The following NID2 variants were observed in gnomAD, a reference collection of about 807,000 sequenced individuals.
The protein encoded by NID2 is nidogen 2.
Under a neutral mutation model 145.4 loss-of-function variants are expected in NID2, and 83 were observed. That is an observed-to-expected ratio of 0.57 (90% CI 0.48 to 0.69). NID2 has a LOEUF of 0.69. NID2 is among the 30% of genes least tolerant of loss of function. NID2 has a pLI of 0.00. For synonymous variants in NID2, 739 were observed against 701.3 expected (o/e 1.05, Z -0.85); for missense variants, 1,807 against 1,765.7 (o/e 1.02, Z -0.42).
chr14:52,025,056 T>A (rs941324633), intron 12 of NID2, among the ~76,000 whole-genome samples: 1 of 152,246 alleles, frequency 6.6e-6, no homozygotes, highest in South Asian at 2.1e-4. Context: ...CCATCTCTGC[T>A]GATCTGAGCA....
chr14:52,037,926 T>C (rs116125963), intron 9 of NID2, among the ~76,000 whole-genome samples: 239 of 152,360 alleles, frequency 1.6e-3, no homozygotes, highest in African/African-American at 5.3e-3. Context: ...ATTGCTACTA[T>C]AGAGAAATAC....
intron 9 of NID2, among the ~76,000 whole-genome samples, chr14:52,035,867 T>TGTATATATATAC (rs561073333): frequency 7.5e-6 from 1 of 132,946 alleles, no homozygotes; most frequent in Non-Finnish European, 1.6e-5. Context: ...TATATATATA[T>TGTATATATATAC]ATATATATAT....
At chr14:52,005,679 T>C in intron 21 of NID2, 58 bp downstream of exon 21, 2 of 1,443,224 alleles carry the variant, frequency 1.4e-6, no homozygotes, top group Non-Finnish European at 2.0e-6. Context: ...TCAAATACCA[T>C]ATATATCCCT....
chr14:52,015,162 G>T lies in NID2; in HGVS notation c.3142C>A (p.His1048Asn). ...CCGTGGCACTGCAGGGGGATGAAGT[G>T]GCCCAGGTCATCGCACTGGGGCACG... ...QYVPQCDDLG[H>N]FIPLQCHGKS... Residue 1048 changes from histidine (H) to asparagine (N), a missense_variant, in exon 15 of 22, where the codon CAC becomes AAC. By Grantham distance (68) the His-to-Asn change is moderately conservative. Coordinates refer to ENST00000216286, the MANE Select transcript of NID2 (RefSeq NM_007361.4). 6.2e-7 allele frequency: 1 copy of T among 1,614,166 alleles called. No homozygotes were observed.
chr14:52,060,496 T>G (rs1892994025), intron 2 of NID2, 140 bp from the exon 3 acceptor site: 1 of 472,016 alleles, frequency 2.1e-6, no homozygotes, highest in Non-Finnish European at 3.6e-6. Context: ...TTCCTCCAAA[T>G]TGTTTTTAAA....
chr14:52,039,970 T>C (rs1892216981), intron 8 of NID2, among the ~76,000 whole-genome samples: 1 of 152,218 alleles, frequency 6.6e-6, no homozygotes, highest in Non-Finnish European at 1.5e-5. Flanking sequence ...AGATGGAGTC[T>C]TGCTTTGTCG....
rs199559337 is a variant in NID2 at position 52,068,932 on chromosome 14, C to A, written c.63G>T (p.Leu21=). Residue 21 remains leucine (L), a synonymous_variant, in exon 1 of 22, where the codon CTG becomes CTT. Coordinates refer to ENST00000216286, the MANE Select transcript of NID2 (RefSeq NM_007361.4). ...CCGCGGCCCGCAACATTAGCAACGG[C>A]AGCAGCAGTAGCACTGGTAACGACG... is the stretch of plus-strand genomic sequence containing the variant. ...VLSSLPVLLL[L]PLLMLRAAAL... 15 of 1,613,718 alleles carry A rather than the reference C, an allele frequency of 9.3e-6. No homozygotes were observed. Among genetic ancestry groups the A allele is most frequent in the Non-Finnish European group, 1.3e-5 (15 of 1,179,820 alleles).
intron 9 of NID2, among the ~76,000 whole-genome samples, chr14:52,036,047 C>T (rs574592390): frequency 4.0e-5 from 6 of 151,798 alleles, no homozygotes; most frequent in African/African-American, 2.4e-5. Flanking sequence ...ACAATTCATC[C>T]GTTTAAAGTA....
At chr14:52,007,711 A>G in intron 19 of NID2, 99 bp downstream of exon 19, 1 of 1,056,148 alleles carries the variant, frequency 9.5e-7, no homozygotes, top group African/African-American at 1.6e-5. Flanking sequence ...CAAAGAAAGG[A>G]GATCTAAGTG....
chr14:52,043,612 C>T (rs944840634), intron 5 of NID2, among the ~76,000 whole-genome samples: 5 of 152,186 alleles, frequency 3.3e-5, no homozygotes, highest in African/African-American at 1.2e-4. Context: ...GGGCCCCACT[C>T]GCAGATCTTC....
intron 5 of NID2, among the ~76,000 whole-genome samples, chr14:52,046,594 G>A (rs35868721): frequency 0.12 from 17,843 of 152,064 alleles, 1,152 homozygotes; most frequent in Middle Eastern, 0.21. Flanking sequence ...GAGGCAGGGC[G>A]ATGCAGCCAG....
chr14:52,014,501 G>A (rs554453791), intron 15 of NID2, 45 bp from the exon 16 acceptor site: 15 of 1,554,706 alleles, frequency 9.6e-6, no homozygotes, highest in Non-Finnish European at 1.3e-5. Context: ...ACAAGGGCAG[G>A]CAGGGAGATG....
At position 52,030,091 on chromosome 14, in the gene NID2, C is replaced by T. The variant is rs559772797; in HGVS notation, c.2258-401G>A. On this transcript the variant is annotated intron_variant, in intron 9 of 21. Coordinates refer to ENST00000216286, the MANE Select transcript of NID2 (RefSeq NM_007361.4). ...CAAGTGAGACATGGGAAAAATTGCC[C>T]AAGCTCACAAAGTCAGGAAGTGGCA... 2.6e-5 allele frequency among the ~76,000 whole-genome samples: 4 copies of T among 152,250 alleles called. No homozygotes were observed. The South Asian group carries it at 8.3e-4, about 32-fold the overall frequency.
chr14:52,063,621 CAAAATG>C (rs1188987608), intron 2 of NID2, among the ~76,000 whole-genome samples: 5 of 152,188 alleles, frequency 3.3e-5, no homozygotes, highest in African/African-American at 7.2e-5. Flanking sequence ...AGAGGCTTAT[CAAAATG>C]AAAATGAAAA....
At chr14:52,021,469 A>G (rs958763163) in intron 12 of NID2, among the ~76,000 whole-genome samples, 1 of 152,232 alleles carries the variant, frequency 6.6e-6, no homozygotes, top group Non-Finnish European at 1.5e-5. Context: ...TCACTGGGTC[A>G]TCCTCTAATA....
At chr14:52,030,588 A>ACGG (rs1219549481) in intron 9 of NID2, among the ~76,000 whole-genome samples, 69 of 39,958 alleles carry the variant, frequency 1.7e-3, no homozygotes, top group South Asian at 3.9e-3. Context: ...GAAAGAAAGA[A>ACGG]AGAAAGAAAG....
rs1031171400 is a variant in NID2, at chr14:52,004,810, A to AAACTT, written c.*671_*675dup. On this transcript the variant is annotated 3_prime_UTR_variant, in exon 22 of 22. Coordinates refer to ENST00000216286, the MANE Select transcript of NID2 (RefSeq NM_007361.4). ...CAATATAGATCCTTAAGTCATAGGA[A>AAACTT]AACTTAAAACACTTTATTGGAGTAA... 3.3e-5 allele frequency: 8 copies of AAACTT among 245,770 alleles called. No homozygotes were observed. Among genetic ancestry groups the AAACTT allele is most frequent in the Admixed American group, 1.1e-4 (2 of 18,392 alleles). The allele number at this position is 245,770 out of a possible 1,614,324, so 15.2% of individuals were successfully genotyped here.
chr14:52,029,572 G>A lies in NID2; in HGVS notation c.2376C>T (p.Tyr792=). 2 of 1,613,156 alleles carry A rather than the reference G, an allele frequency of 1.2e-6. No individual in the cohort carries two copies. Among genetic ancestry groups the A allele is most frequent in the South Asian group, 1.1e-5 (1 of 90,996 alleles). ...VDYTCECASG[Y]QGDGRNCVDE... ...CCACACAGTTCCGTCCATCTCCCTG[G>A]TACCCAGATGCGCACTCACAGGTGT... Residue 792 remains tyrosine (Y), a synonymous_variant, in exon 10 of 22, where the codon TAC becomes TAT. Coordinates refer to ENST00000216286, the MANE Select transcript of NID2 (RefSeq NM_007361.4).
chr14:52,060,478 T>C (rs1416817753), intron 2 of NID2, 122 bp from the exon 3 acceptor site: 1 of 488,302 alleles, frequency 2.0e-6, no homozygotes, highest in Non-Finnish European at 3.4e-6. Context: ...ACTTCCCCTT[T>C]TTCAGGATTC....
Sources: allele counts gnomAD v4.1 joint callset (sites outside exome capture counted in the v4.1 genomes callset), GRCh38; gene constraint gnomAD v4.1.1; transcripts MANE v1.5; gene names NCBI Gene and HGNC (gene_info 2026-07-23, HGNC 2026-07-21).